The following NCOA2 variants were observed in gnomAD, a reference collection of about 807,000 sequenced individuals.
NCOA2 encodes the protein nuclear receptor coactivator 2, also known as class E basic helix-loop-helix protein 75.
Under a neutral mutation model 145.1 loss-of-function variants are expected in NCOA2, and 21 were observed. The ratio of observed to expected loss-of-function variants is 0.14; its 90% CI spans 0.10 to 0.21. The LOEUF (loss-of-function observed/expected upper bound fraction) is 0.21. Among genes scored for constraint, NCOA2 ranks in the 10% least tolerant of loss-of-function variants. The pLI is 1.00. For missense variants in NCOA2, 1,472 were observed against 1,837.6 expected, an observed-to-expected ratio of 0.80 and a Z score of 3.64; for synonymous variants, 619 against 637.5, an observed-to-expected ratio of 0.97 and a Z score of 0.44.
intron 2 of NCOA2, among the ~76,000 whole-genome samples, chr8:70,267,996 GATC>G (rs1417320195): frequency 2.0e-4 from 30 of 152,120 alleles, no homozygotes; most frequent in Non-Finnish European, 4.1e-4. Context: ...ATTCATTATT[GATC>G]AACTAGCTAG....
chr8:70,279,117 C>T (rs1419843984), intron 2 of NCOA2, among the ~76,000 whole-genome samples: 2 of 152,162 alleles, frequency 1.3e-5, no homozygotes, highest in Non-Finnish European at 2.9e-5. Flanking sequence ...CCTGACCTCT[C>T]GCTATTTCTG....
intron 20 of NCOA2, 106 bp downstream of exon 20, chr8:70,124,582 G>C: frequency 8.6e-7 from 1 of 1,166,930 alleles, no homozygotes; most frequent in Non-Finnish European, 1.2e-6. Flanking sequence ...TTATCACTAC[G>C]TTTGATAAAA....
At chr8:70,179,336 A>AT (rs1815218341) in intron 4 of NCOA2, among the ~76,000 whole-genome samples, 1 of 152,194 alleles carries the variant, frequency 6.6e-6, no homozygotes, top group African/African-American at 2.4e-5. Flanking sequence ...GTGGCCCTAA[A>AT]TTTATGTTAT....
chr8:70,269,294 G>C (rs1363704394), intron 2 of NCOA2, among the ~76,000 whole-genome samples: 1 of 152,008 alleles, frequency 6.6e-6, no homozygotes, highest in Non-Finnish European at 1.5e-5. Flanking sequence ...TGTGACAACT[G>C]CAAGCATACT....
At chr8:70,280,740 G>A (rs762058041) in intron 2 of NCOA2, among the ~76,000 whole-genome samples, 1 of 151,004 alleles carries the variant, frequency 6.6e-6, no homozygotes, top group Non-Finnish European at 1.5e-5. Flanking sequence ...GAAAATTGGA[G>A]TCAAGCATAG....
At chr8:70,180,341 G>A (rs1301906377) in intron 4 of NCOA2, among the ~76,000 whole-genome samples, 1 of 152,146 alleles carries the variant, frequency 6.6e-6, no homozygotes, top group Admixed American at 6.5e-5. Flanking sequence ...CTGGGTGGCT[G>A]CTTGAACAGC....
chr8:70,165,555 A>G (rs563694764), intron 7 of NCOA2, among the ~76,000 whole-genome samples: 4 of 152,152 alleles, frequency 2.6e-5, no homozygotes, highest in Non-Finnish European at 5.9e-5. Context: ...ACTCTTCAAC[A>G]CTGCCTTGTA....
chr8:70,231,819 C>G (rs13276875), intron 2 of NCOA2, among the ~76,000 whole-genome samples: 1 of 152,160 alleles, frequency 6.6e-6, no homozygotes. Context: ...AAAACCCTCT[C>G]TCTACCAGTA....
At chr8:70,199,559 T>A (rs1586065417) in intron 4 of NCOA2, among the ~76,000 whole-genome samples, 1 of 141,366 alleles carries the variant, frequency 7.1e-6, no homozygotes, top group South Asian at 2.3e-4. Context: ...TCAACGGGAG[T>A]CGCTGCAGAC....
chr8:70,145,480 G>A (rs1230300455), intron 12 of NCOA2, among the ~76,000 whole-genome samples: 4 of 151,720 alleles, frequency 2.6e-5, no homozygotes, highest in Admixed American at 1.3e-4. Context: ...GTGCCACCAT[G>A]CCCAGCTAAT....
chr8:70,429,263 T>C, the NCOA2 span, among the ~76,000 whole-genome samples: 1 of 152,180 alleles, frequency 6.6e-6, no homozygotes, highest in Non-Finnish European at 1.5e-5. Context: ...GCACCAACCT[T>C]CAAGATTGCT....
intron 3 of NCOA2, among the ~76,000 whole-genome samples, chr8:70,216,403 A>G (rs1819622277): frequency 6.6e-6 from 1 of 151,508 alleles, no homozygotes; most frequent in Non-Finnish European, 1.5e-5. Context: ...AATCAAACTC[A>G]ATATTATTAA....
intron 4 of NCOA2, among the ~76,000 whole-genome samples, chr8:70,183,801 T>A (rs556091242): frequency 3.3e-5 from 5 of 152,230 alleles, no homozygotes; most frequent in Non-Finnish European, 7.3e-5. Flanking sequence ...TCTATTTTCA[T>A]GTCTGTCCCT....
intron 1 of NCOA2, among the ~76,000 whole-genome samples, chr8:70,376,356 A>G (rs563725266): frequency 1.3e-5 from 2 of 151,582 alleles, no homozygotes; most frequent in South Asian, 2.1e-4. Flanking sequence ...ACAGTGGCCC[A>G]GTACACACAC....
chr8:70,433,365 C>T, the NCOA2 span, among the ~76,000 whole-genome samples: 3 of 151,576 alleles, frequency 2.0e-5, no homozygotes, highest in South Asian at 6.2e-4. Flanking sequence ...AAGAGGAGTC[C>T]ACTTTAGGTA....
intron 1 of NCOA2, among the ~76,000 whole-genome samples, chr8:70,395,968 G>GA (rs1254508600): frequency 1.3e-5 from 2 of 152,220 alleles, no homozygotes; most frequent in African/African-American, 4.8e-5. Context: ...ATGTGCAGGT[G>GA]AAAGAGTTCC....
intron 11 of NCOA2, among the ~76,000 whole-genome samples, chr8:70,155,209 T>C (rs1479566853): frequency 6.6e-6 from 1 of 152,206 alleles, no homozygotes; most frequent in Non-Finnish European, 1.5e-5. Context: ...ATCAGTTCAA[T>C]CTTTCTTTCT....
chr8:70,173,890 T>G (rs1335597714), intron 5 of NCOA2, among the ~76,000 whole-genome samples: 1 of 152,170 alleles, frequency 6.6e-6, no homozygotes, highest in African/African-American at 2.4e-5. Context: ...GTTATCTCTG[T>G]TTTAAAAATA....
In NCOA2 at chr8:70,126,921, A is replaced by G; in HGVS notation, c.3808T>C (p.Leu1270=). Residue 1270 remains leucine, a synonymous_variant, in exon 19 of 23, where the codon TTG becomes CTG. Coordinates refer to ENST00000452400, the MANE Select transcript of NCOA2 (RefSeq NM_006540.4). Reference sequence around the variant, plus strand: ...GCCACCATGCTTGGTGTCATATTCAACCCTTGTCCTCTCATCATCAAAGTT... The same window carrying G: ...GCCACCATGCTTGGTGTCATATTCAGCCCTTGTCCTCTCATCATCAAAGTT... The part of the protein sequence containing the change: ...QRTLMMRGQG[L]NMTPSMVAPS... 6.2e-7 allele frequency: 1 copy of G among 1,613,888 alleles called. No homozygotes were observed. The highest frequency in any genetic ancestry group is 1.3e-5 in the African/African-American group (1 of 75,018).
Sources: allele counts gnomAD v4.1 joint callset (sites outside exome capture counted in the v4.1 genomes callset), GRCh38; gene constraint gnomAD v4.1.1; transcripts MANE v1.5; gene names NCBI Gene and HGNC (gene_info 2026-07-23, HGNC 2026-07-21).